STX18: variants seen among roughly 807,000 people sequenced by gnomAD.
STX18 encodes the protein syntaxin 18.
Under a neutral mutation model 50.1 loss-of-function variants are expected in STX18, and 40 were observed. The ratio of observed to expected loss-of-function variants is 0.80; its 90% CI spans 0.62 to 1.04. The LOEUF (loss-of-function observed/expected upper bound fraction) is 1.04. Among genes scored for constraint, STX18 ranks in the 50% least tolerant of loss-of-function variants. The pLI, the probability that STX18 is intolerant of heterozygous loss-of-function variation, is 0.00. For synonymous variants in STX18, 158 were observed against 151.8 expected, an observed-to-expected ratio of 1.04 and a Z score of -0.30; for missense variants, 410 against 415.8, an observed-to-expected ratio of 0.99 and a Z score of 0.12.
chr4:4,506,418 A>G (rs756417463), intron 1 of STX18, among the ~76,000 whole-genome samples: 2 of 152,244 alleles, frequency 1.3e-5, no homozygotes, highest in African/African-American at 2.4e-5. Context: ...ATGCCGACTA[A>G]AAGAAGTCAG....
intron 6 of STX18, among the ~76,000 whole-genome samples, chr4:4,437,036 T>C (rs1406954460): frequency 6.7e-6 from 1 of 148,496 alleles, no homozygotes; most frequent in African/African-American, 2.5e-5. Flanking sequence ...CTTGGCTCAC[T>C]GCAACTTCCG....
intron 2 of STX18, among the ~76,000 whole-genome samples, chr4:4,471,211 T>C (rs1477030793): frequency 1.3e-5 from 2 of 152,180 alleles, no homozygotes; most frequent in Admixed American, 1.3e-4. Context: ...GACTGAAATG[T>C]GCTCATGAGA....
At chr4:4,452,554 G>A (rs1726813881) in intron 5 of STX18, among the ~76,000 whole-genome samples, 1 of 152,134 alleles carries the variant, frequency 6.6e-6, no homozygotes. Context: ...CAAAAATCTT[G>A]GGCATGGTGG....
chr4:4,423,752 C>T lies in STX18; in HGVS notation c.762-165G>A. Reference sequence around the variant, plus strand: ...GAGATGGGAGAGGAAGGCGAACTCTCCTTACTGGGTCACCTTCCCTGTCTT... The same window carrying T: ...GAGATGGGAGAGGAAGGCGAACTCTTCTTACTGGGTCACCTTCCCTGTCTT... On this transcript the variant is annotated intron_variant, in intron 8 of 10. Coordinates refer to ENST00000306200, the MANE Select transcript of STX18 (RefSeq NM_016930.4). 4.5e-6 allele frequency: 3 copies of T among 662,540 alleles called. No homozygotes were observed. In the South Asian group the frequency reaches 5.6e-5, roughly 12 times the overall value. 41.0% of individuals were successfully genotyped at this position (662,540 alleles called of 1,614,324 possible).
intron 6 of STX18, among the ~76,000 whole-genome samples, chr4:4,435,626 G>A (rs1324179271): frequency 1.3e-5 from 2 of 152,158 alleles, no homozygotes; most frequent in Admixed American, 6.5e-5. Flanking sequence ...CCATAACTAC[G>A]CTGACAGACC....
chr4:4,446,411 T>G (rs758812909), intron 5 of STX18, among the ~76,000 whole-genome samples: 2 of 152,236 alleles, frequency 1.3e-5, no homozygotes, highest in Non-Finnish European at 2.9e-5. Context: ...ATTTGCAGCA[T>G]GTATATAAGG....
chr4:4,433,091 C>G (rs1405930703), intron 7 of STX18, among the ~76,000 whole-genome samples: 3 of 152,218 alleles, frequency 2.0e-5, no homozygotes, highest in Non-Finnish European at 4.4e-5. Context: ...CTCTGCTGCT[C>G]TACTGGTTCT....
At chr4:4,523,728 T>C (rs1730624950) in intron 1 of STX18, among the ~76,000 whole-genome samples, 1 of 152,220 alleles carries the variant, frequency 6.6e-6, no homozygotes, top group Admixed American at 6.5e-5. Flanking sequence ...TCCTCCTTGC[T>C]GCCAGTCCTT....
chr4:4,466,618 C>T (rs966059541), intron 2 of STX18, among the ~76,000 whole-genome samples: 1 of 152,078 alleles, frequency 6.6e-6, no homozygotes, highest in Non-Finnish European at 1.5e-5. Context: ...ATGGGAGGAG[C>T]GGGCAGCATG....
chr4:4,484,815 C>T (rs1193380197), intron 1 of STX18, among the ~76,000 whole-genome samples: 1 of 152,176 alleles, frequency 6.6e-6, no homozygotes, highest in Non-Finnish European at 1.5e-5. Flanking sequence ...TTAATAATGA[C>T]TACTTTCTTT....
At chr4:4,487,015 T>A (rs184826293) in intron 1 of STX18, among the ~76,000 whole-genome samples, 2 of 152,122 alleles carry the variant, frequency 1.3e-5, no homozygotes, top group Non-Finnish European at 2.9e-5. Context: ...AATAAACATA[T>A]ACACAAAAAC....
chr4:4,497,084 G>T (rs1340897977), intron 1 of STX18, among the ~76,000 whole-genome samples: 1 of 152,186 alleles, frequency 6.6e-6, no homozygotes, highest in Non-Finnish European at 1.5e-5. Flanking sequence ...TCCGAATCTA[G>T]GCCCTGGATT....
chr4:4,428,496 CT>C (rs367591975), intron 7 of STX18, among the ~76,000 whole-genome samples: 2 of 152,030 alleles, frequency 1.3e-5, no homozygotes, highest in African/African-American at 4.8e-5. Context: ...TGTGAGTTGT[CT>C]ACCAAAGTGC....
At chr4:4,488,036 T>A (rs1046498581) in intron 1 of STX18, among the ~76,000 whole-genome samples, 14 of 152,124 alleles carry the variant, frequency 9.2e-5, no homozygotes, top group South Asian at 2.1e-4. Flanking sequence ...GTTTTTTTTT[T>A]AAATGTGGAA....
chr4:4,495,567 T>C (rs1195286059), intron 1 of STX18, among the ~76,000 whole-genome samples: 20 of 102,056 alleles, frequency 2.0e-4, no homozygotes, highest in East Asian at 7.1e-4. Context: ...TCTTTTCTTT[T>C]TTTTTTTTTT....
At chr4:4,439,343 A>G (rs966214827) in intron 5 of STX18, among the ~76,000 whole-genome samples, 2 of 148,912 alleles carry the variant, frequency 1.3e-5, no homozygotes, top group African/African-American at 5.0e-5. Flanking sequence ...ACCCACATAC[A>G]TATACTACAT....
intron 1 of STX18, among the ~76,000 whole-genome samples, chr4:4,528,927 C>A (rs574195181): frequency 3.9e-5 from 6 of 152,358 alleles, no homozygotes; most frequent in African/African-American, 1.4e-4. Flanking sequence ...GGTATCCCAA[C>A]AACAGAAAAG....
At chr4:4,523,005 G>A (rs1446140510) in intron 1 of STX18, among the ~76,000 whole-genome samples, 1 of 152,226 alleles carries the variant, frequency 6.6e-6, no homozygotes, top group Admixed American at 6.5e-5. Context: ...TATGTGCTAA[G>A]CACTTTCAAG....
At chr4:4,445,922 T>C (rs1726378755) in intron 5 of STX18, among the ~76,000 whole-genome samples, 1 of 152,174 alleles carries the variant, frequency 6.6e-6, no homozygotes, top group Non-Finnish European at 1.5e-5. Context: ...AACTAGCTGA[T>C]TCCAAGACTT....
Sources: gnomAD v4.1 joint callset for allele counts (sites outside exome capture counted in the v4.1 genomes callset) on GRCh38, gnomAD v4.1.1 for gene constraint, MANE v1.5 for transcripts, NCBI Gene and HGNC (gene_info 2026-07-23, HGNC 2026-07-21) for gene names.